The following WRN variants were observed in gnomAD, a reference collection of about 807,000 sequenced individuals.
The protein encoded by WRN is WRN RecQ like helicase.
Under a neutral mutation model 180.7 loss-of-function variants are expected in WRN, and 149 were observed. The ratio of observed to expected loss-of-function variants is 0.82; its 90% CI spans 0.72 to 0.94. The LOEUF is 0.94. WRN is among the 40% of genes least tolerant of loss of function. WRN has a pLI of 0.00. For synonymous variants in WRN, 548 were observed against 568.9 expected (o/e 0.96, Z 0.52); for missense variants, 1,661 against 1,700.1 (o/e 0.98, Z 0.40).
chr8:31,051,297 A>C (rs369490798), intron 1 of WRN, among the ~76,000 whole-genome samples: 1 of 152,170 alleles, frequency 6.6e-6, no homozygotes, highest in Non-Finnish European at 1.5e-5. Context: ...ATTTTCTAGA[A>C]GATGACACTA....
chr8:31,074,233 AC>A (rs1240921010), intron 7 of WRN, among the ~76,000 whole-genome samples: 1 of 151,782 alleles, frequency 6.6e-6, no homozygotes, highest in Non-Finnish European at 1.5e-5. Flanking sequence ...CCCAAGAGTA[AC>A]CTTTTCAAAA....
chr8:31,050,295 T>A (rs1434373582), intron 1 of WRN, among the ~76,000 whole-genome samples: 1 of 152,152 alleles, frequency 6.6e-6, no homozygotes, highest in Non-Finnish European at 1.5e-5. Context: ...AGGTTATCTT[T>A]TTTACTGGAC....
chr8:31,056,420 T>C (rs566340016), intron 1 of WRN, among the ~76,000 whole-genome samples: 3 of 152,358 alleles, frequency 2.0e-5, no homozygotes, highest in East Asian at 3.9e-4. Context: ...CAGTGACATA[T>C]ATAAAATGCT....
At chr8:31,168,854 T>G (rs1396533855) in intron 34 of WRN, among the ~76,000 whole-genome samples, 1 of 152,194 alleles carries the variant, frequency 6.6e-6, no homozygotes, top group Non-Finnish European at 1.5e-5. Flanking sequence ...GACGTATTGT[T>G]GTGTTTATAT....
rs561603992 is a variant in WRN, at chr8:31,067,115, G to T, written c.587G>T (p.Arg196Leu). 1.9e-6 allele frequency: 3 copies of T among 1,613,930 alleles called. No individual in the cohort carries two copies. The highest frequency in any genetic ancestry group is 2.5e-6 in the Non-Finnish European group (3 of 1,179,958). Residue 196 changes from arginine to leucine, a missense_variant, in exon 6 of 35, where the codon CGC becomes CTC. Coordinates refer to ENST00000298139, the MANE Select transcript of WRN (RefSeq NM_000553.6). ...GKQLLKDKSI[R>L]CSNWSKFPLT... is the part of the protein sequence containing the mutation. Reference sequence around the variant, plus strand: ...CAGCTCCTGAAAGACAAGTCTATCCGCTGTAGCAATTGGAGTAAATTTCCT... The same window carrying T: ...CAGCTCCTGAAAGACAAGTCTATCCTCTGTAGCAATTGGAGTAAATTTCCT...
At position 31,132,489 on chromosome 8, in the gene WRN, T is replaced by G; in HGVS notation, c.2950T>G (p.Leu984Val). The G allele has an allele frequency of 6.2e-7, 1 of 1,614,152 alleles. No individual in the cohort carries two copies. Among genetic ancestry groups the G allele is most frequent in the South Asian group, 1.1e-5 (1 of 91,082 alleles). Residue 984 changes from leucine (L) to valine (V), a missense_variant, in exon 24 of 35, where the codon TTA (leucine) becomes GTA (valine). By Grantham distance (32) the Leu-to-Val change is conservative. This residue lies in a region of WRN where 1,141 missense variants were observed against 1,149.4 expected (regional missense o/e 0.99). Transcript: ENST00000298139. ...GEKFGIGLPI[L>V]FLRGSNSQRL... ...AAAATTTGGAATTGGGCTTCCAATT[T>G]TATTTCTCCGAGGATCTGTAAGTAT...
intron 18 of WRN, 98 bp downstream of exon 18, chr8:31,101,053 A>C (rs1444272431): frequency 1.1e-6 from 1 of 937,372 alleles, no homozygotes; most frequent in Non-Finnish European, 1.7e-6. Context: ...TTCACTATAA[A>C]AGAGCAAATG....
At chr8:31,110,870 A>C (rs940763819) in intron 18 of WRN, among the ~76,000 whole-genome samples, 22 of 152,332 alleles carry the variant, frequency 1.4e-4, no homozygotes, top group African/African-American at 5.0e-4. Flanking sequence ...AATAGAATAA[A>C]AACACGAGTT....
At chr8:31,160,380 G>A (rs949498110) in intron 33 of WRN, among the ~76,000 whole-genome samples, 1 of 152,210 alleles carries the variant, frequency 6.6e-6, no homozygotes, top group African/African-American at 2.4e-5. Flanking sequence ...AACATCCAAG[G>A]TAGGGTAGAG....
intron 1 of WRN, among the ~76,000 whole-genome samples, chr8:31,044,856 G>A (rs1190322966): frequency 6.6e-6 from 1 of 151,884 alleles, no homozygotes; most frequent in Non-Finnish European, 1.5e-5. Flanking sequence ...CCATATTTTT[G>A]CTTTTACAAA....
chr8:31,129,937 G>A (rs112408006), intron 23 of WRN, among the ~76,000 whole-genome samples: 4,718 of 149,382 alleles, frequency 0.032, 240 homozygotes, highest in African/African-American at 0.11. Flanking sequence ...CCTGGGAGGC[G>A]GAGGTTGCCG....
rs919715322 is a variant in WRN, at chr8:31,066,171, C to A, written c.505-862C>A. ...GAGATTGCAGGCGTGAGCCACCGCA[C>A]CTGGCCGGCAGACAGTTTCTTTTTT... On this transcript the variant is annotated intron_variant, in intron 5 of 34. Transcript: ENST00000298139. Among the ~76,000 whole-genome samples, 13 of 151,432 alleles carry A rather than the reference C, an allele frequency of 8.6e-5. No homozygotes were observed. The South Asian group carries it at 2.5e-3, about 29-fold the overall frequency.
intron 24 of WRN, among the ~76,000 whole-genome samples, chr8:31,137,329 A>G (rs1802439070): frequency 6.6e-6 from 1 of 152,118 alleles, no homozygotes; most frequent in Admixed American, 6.6e-5. Flanking sequence ...ATGCTTATGA[A>G]AGGAAAAGCC....
At position 31,157,528 on chromosome 8, in the gene WRN, C is replaced by T. The variant is rs1340179702; in HGVS notation, c.3980C>T (p.Ser1327Leu). 1.2e-6 allele frequency: 2 copies of T among 1,613,948 alleles called. No individual in the cohort carries two copies. The highest frequency in any genetic ancestry group is 1.7e-5 in the Admixed American group (1 of 59,982). ...GTTATCCGAAACCCTCCCGTCAACT[C>T]AGGTGAGAGGCATGGCCTAGCTCTG... ...ADVIRNPPVNSDMSKISLIRM... is the reference protein window; with the variant it reads ...ADVIRNPPVNLDMSKISLIRM... The change falls in exon 33 of 35, where the codon TCA (serine) becomes TTA (leucine). Residue 1327 changes from serine to leucine, a missense_variant and splice_region_variant. Ser to Leu is a moderately radical substitution (Grantham distance 145). Transcript: ENST00000298139.
chr8:31,060,352 A>G (rs1812442790), intron 3 of WRN, among the ~76,000 whole-genome samples: 1 of 152,186 alleles, frequency 6.6e-6, no homozygotes, highest in Non-Finnish European at 1.5e-5. Flanking sequence ...GGATTGCTTG[A>G]GCCCAGGAGT....
intron 18 of WRN, among the ~76,000 whole-genome samples, chr8:31,102,706 TGAGTGAGG>T (rs1478307316): frequency 2.0e-5 from 3 of 152,076 alleles, no homozygotes; most frequent in Non-Finnish European, 4.4e-5. Context: ...TTGCTCTGAG[TGAGTGAGG>T]GAGTGGCGAG....
rs754264731 is a variant in WRN at position 31,116,324 on chromosome 8, G to GT, written c.2274-27dup. ...TCTGAAGCATGTATAAAGTATATATGTTTGCTCTTTTGTTCTTCTTTTTCT... is the reference window on the plus strand; with the variant it reads ...TCTGAAGCATGTATAAAGTATATATGTTTTGCTCTTTTGTTCTTCTTTTTCT... On this transcript the variant is annotated intron_variant, in intron 19 of 34. Coordinates refer to ENST00000298139, the MANE Select transcript of WRN (RefSeq NM_000553.6). The GT allele has an allele frequency of 1.4e-5, 23 of 1,611,464 alleles. No individual in the cohort carries two copies. In the African/African-American group the frequency reaches 3.1e-4, roughly 22 times the overall value.
At chr8:31,105,416 A>G (rs971212315) in intron 18 of WRN, among the ~76,000 whole-genome samples, 4 of 151,522 alleles carry the variant, frequency 2.6e-5, no homozygotes, top group Admixed American at 2.0e-4. Flanking sequence ...CTACCTTTGC[A>G]CTCATTTTCT....
chr8:31,142,198 C>T (rs555808839), intron 26 of WRN, among the ~76,000 whole-genome samples: 14 of 152,300 alleles, frequency 9.2e-5, no homozygotes, highest in Admixed American at 3.3e-4. Flanking sequence ...CCTCCTGCCT[C>T]AGCCTCCCAA....
Sources: allele counts gnomAD v4.1 joint callset (sites outside exome capture counted in the v4.1 genomes callset), GRCh38; gene constraint gnomAD v4.1.1; regional missense constraint gnomAD v4.1.1; transcripts MANE v1.5; gene names NCBI Gene and HGNC (gene_info 2026-07-23, HGNC 2026-07-21).